RARS2: variants seen among roughly 807,000 people sequenced by gnomAD.
RARS2 encodes probable arginine--tRNA ligase, mitochondrial.
In RARS2, 67 loss-of-function variants were observed where a neutral mutation model predicts 88.5. That is an observed-to-expected ratio of 0.76 (90% CI 0.62 to 0.93). RARS2 has a LOEUF of 0.93. RARS2 is among the 40% of genes least tolerant of loss of function. The pLI, the probability that RARS2 is intolerant of heterozygous loss-of-function variation, is 0.00. For synonymous variants in RARS2, 239 were observed against 230.3 expected (o/e 1.04, Z -0.34); for missense variants, 664 against 684.2 (o/e 0.97, Z 0.33).
intron 3 of RARS2, among the ~76,000 whole-genome samples, chr6:87,563,059 G>GA (rs1259437505): frequency 2.6e-5 from 4 of 151,998 alleles, no homozygotes; most frequent in Non-Finnish European, 5.9e-5. Flanking sequence ...TAACAAGTAA[G>GA]AAAAATCACT....
intron 5 of RARS2, among the ~76,000 whole-genome samples, chr6:87,552,719 T>A (rs1784751057): frequency 6.6e-6 from 1 of 152,054 alleles, no homozygotes; most frequent in Non-Finnish European, 1.5e-5. Flanking sequence ...GCCACAGTAT[T>A]TCTAGAGCTT....
At chr6:87,545,998 CAAG>C (rs1163792124) in intron 6 of RARS2, among the ~76,000 whole-genome samples, 2 of 149,386 alleles carry the variant, frequency 1.3e-5, no homozygotes, top group Admixed American at 1.3e-4. Context: ...TAGTCAATTT[CAAG>C]AAGAGAAAAA....
At chr6:87,560,005 C>A (rs1787346251) in intron 4 of RARS2, among the ~76,000 whole-genome samples, 1 of 152,216 alleles carries the variant, frequency 6.6e-6, no homozygotes, top group Non-Finnish European at 1.5e-5. Flanking sequence ...TGGCCTAGGT[C>A]CGTGTAGTCG....
intron 2 of RARS2, among the ~76,000 whole-genome samples, chr6:87,567,917 G>A (rs566743303): frequency 2.6e-5 from 4 of 152,178 alleles, no homozygotes; most frequent in East Asian, 3.9e-4. Flanking sequence ...GATTACAGGC[G>A]CATGCCACCA....
intron 4 of RARS2, among the ~76,000 whole-genome samples, chr6:87,559,756 TATA>T (rs1787271673): frequency 6.6e-6 from 1 of 152,218 alleles, no homozygotes; most frequent in Admixed American, 6.5e-5. Flanking sequence ...GTACCATGTT[TATA>T]ATGTCTACAG....
chr6:87,554,613 T>C (rs1268008795), intron 5 of RARS2, among the ~76,000 whole-genome samples: 2 of 152,104 alleles, frequency 1.3e-5, no homozygotes, highest in African/African-American at 4.8e-5. Flanking sequence ...TGTGCCACCA[T>C]GCACAACTAA....
chr6:87,539,570 T>TC (rs1780257310), intron 8 of RARS2, among the ~76,000 whole-genome samples: 1 of 152,204 alleles, frequency 6.6e-6, no homozygotes, highest in South Asian at 2.1e-4. Flanking sequence ...TCCTTTGTTC[T>TC]CCCCTGCCTT....
chr6:87,576,279 T>C lies in RARS2; in HGVS notation c.37-6689A>G, dbSNP rs907879937. ...GGTATAATAAACACAAATTTCTTTT[T>C]TTTTTTTTTTTTTTTGAGACGGAGT... On this transcript the variant is annotated intron_variant, in intron 1 of 19. Transcript: ENST00000369536. Among the ~76,000 whole-genome samples the C allele has an allele frequency of 8.8e-4, 84 of 95,184 alleles. 21 individuals carry two copies. In the East Asian group the frequency reaches 0.022, roughly 25 times the overall value. 62.4% of individuals were successfully genotyped at this position (95,184 alleles called of 152,430 possible). A position where few individuals can be genotyped will look rare whatever the true frequency, so the allele number is the denominator to read the frequency against.
In RARS2 at chr6:87,518,244, C is replaced by T. The variant is rs1408290619; in HGVS notation, c.1436G>A (p.Cys479Tyr). 6.2e-7 allele frequency: 1 copy of T among 1,614,162 alleles called. No individual in the cohort carries two copies. The highest frequency in any genetic ancestry group is 1.1e-5 in the South Asian group (1 of 91,080). ...AGTGTTGAAGTCATTCAGGTACCCA[C>T]ATCCAAAAGTCTCTTCCAAACTTAT... ...RLHSLEETFGCGYLNDFNTAC... is the reference protein window; with the variant it reads ...RLHSLEETFGYGYLNDFNTAC... Residue 479 changes from cysteine to tyrosine, a missense_variant, in exon 17 of 20, where the codon TGT becomes TAT. By Grantham distance (194) the Cys-to-Tyr change is radical. Coordinates refer to ENST00000369536, the MANE Select transcript of RARS2 (RefSeq NM_020320.5).
intron 11 of RARS2, among the ~76,000 whole-genome samples, chr6:87,523,988 T>A (rs1774847583): frequency 6.6e-6 from 1 of 152,228 alleles, no homozygotes; most frequent in Non-Finnish European, 1.5e-5. Flanking sequence ...TTAAAAGACT[T>A]AATTGGTTGC....
chr6:87,589,630 A>T (rs960182037), intron 1 of RARS2: 2 of 974,862 alleles, frequency 2.1e-6, no homozygotes, highest in East Asian at 2.3e-4. Flanking sequence ...TCATGGTCTA[A>T]TGACTTGCCG....
At position 87,518,727 on chromosome 6, in the gene RARS2, A is replaced by C. The variant is rs760327372; in HGVS notation, c.1318T>G (p.Leu440Val). Residue 440 changes from leucine to valine, a missense_variant, in exon 16 of 20, where the codon TTA (leucine) becomes GTA (valine). Physicochemically the swap from Leu to Val is conservative, Grantham distance 32. Transcript: ENST00000369536. Reference protein sequence around the residue: ...AALIIQDFKGLLLSDYKFSWD... With the variant: ...AALIIQDFKGVLLSDYKFSWD... ...CTGAACTTGTAGTCAGATAAGAGTA[A>C]ACCTTTGAAGTCCTAAAACGACAGA... 5 of 1,613,946 alleles carry C rather than the reference A, an allele frequency of 3.1e-6. No individual in the cohort carries two copies. Among genetic ancestry groups the C allele is most frequent in the Non-Finnish European group, 4.2e-6 (5 of 1,179,954 alleles).
intron 11 of RARS2, among the ~76,000 whole-genome samples, chr6:87,524,315 T>A (rs182875238): frequency 2.6e-5 from 4 of 152,210 alleles, no homozygotes; most frequent in Non-Finnish European, 4.4e-5. Flanking sequence ...TATGTGCATG[T>A]AAGATGTTCT....
rs1372492664 is a variant in RARS2 at position 87,533,325 on chromosome 6, TAAAA to T, written c.613-2387_613-2384del. 4.6e-5 allele frequency among the ~76,000 whole-genome samples: 7 copies of T among 152,170 alleles called. No homozygotes were observed. In the East Asian group the frequency reaches 1.3e-3, roughly 29 times the overall value. ...TTAGTATTTCCGCAATATGTACTTA[TAAAA>T]CAAACATTAGTGAAAATCAACTGAC... On this transcript the variant is annotated intron_variant, in intron 8 of 19. Coordinates refer to ENST00000369536, the MANE Select transcript of RARS2 (RefSeq NM_020320.5).
chr6:87,559,316 C>T (rs887362359), intron 4 of RARS2, among the ~76,000 whole-genome samples: 3 of 151,730 alleles, frequency 2.0e-5, no homozygotes, highest in Non-Finnish European at 4.4e-5. Context: ...GAGACAGGGT[C>T]TCTAGCCAGG....
intron 10 of RARS2, among the ~76,000 whole-genome samples, chr6:87,528,884 A>G (rs1196880114): frequency 3.3e-5 from 5 of 152,240 alleles, no homozygotes; most frequent in East Asian, 1.9e-4. Flanking sequence ...TGTTCTCATC[A>G]TAGGTAAGTA....
intron 1 of RARS2, 117 bp from the exon 2 acceptor site, chr6:87,569,707 C>G (rs1158794189): frequency 1.2e-6 from 1 of 812,580 alleles, no homozygotes; most frequent in African/African-American, 1.7e-5. Flanking sequence ...GCTCCAAATG[C>G]ATTCCAAGTG....
chr6:87,534,705 A>C (rs1778600857), intron 8 of RARS2, among the ~76,000 whole-genome samples: 1 of 152,170 alleles, frequency 6.6e-6, no homozygotes, highest in South Asian at 2.1e-4. Context: ...CAAGTGGAGA[A>C]ACTGCCAGGA....
In RARS2 at chr6:87,577,191, TTTG is replaced by T. The variant is rs370341471; in HGVS notation, c.37-7604_37-7602del. On this transcript the variant is annotated intron_variant, in intron 1 of 19. Coordinates refer to ENST00000369536, the MANE Select transcript of RARS2 (RefSeq NM_020320.5). ...TTTCTAAAAGAAAGATTTTGACTCT[TTTG>T]TTGTTGTTGTTTTCTGAGACAGGGT... Among the ~76,000 whole-genome samples the T allele has an allele frequency of 2.2e-3, 332 of 152,266 alleles. 1 individual carries two copies. The highest frequency in any genetic ancestry group is 7.4e-3 in the African/African-American group (307 of 41,552).
Sources: allele counts gnomAD v4.1 joint callset (sites outside exome capture counted in the v4.1 genomes callset), GRCh38; gene constraint gnomAD v4.1.1; transcripts MANE v1.5; gene names NCBI Gene and HGNC (gene_info 2026-07-23, HGNC 2026-07-21).